Variants in CDS1 observed in about 807,000 individuals in gnomAD.
CDS1 encodes CDP-diacylglycerol synthase 1.
Under a neutral mutation model 62.1 loss-of-function variants are expected in CDS1, and 41 were observed. The observed-to-expected ratio is 0.66, with a 90% CI of 0.51 to 0.86. The LOEUF is 0.86. Among genes scored for constraint, CDS1 ranks in the 40% least tolerant of loss-of-function variants. The probability of loss-of-function intolerance (pLI) is 0.00; values close to 1 mark genes in which losing one functional copy is unlikely to be tolerated. For synonymous variants in CDS1, 185 were observed against 192.6 expected (o/e 0.96, Z 0.32); for missense variants, 470 against 550.1 (o/e 0.85, Z 1.46).
chr4:84,605,876 T>C (rs1442424534), intron 2 of CDS1, among the ~76,000 whole-genome samples: 1 of 152,184 alleles, frequency 6.6e-6, no homozygotes, highest in African/African-American at 2.4e-5. Context: ...GGTATATAAA[T>C]GTGGAAACGT....
intron 1 of CDS1, among the ~76,000 whole-genome samples, chr4:84,597,262 TA>T (rs1560465386): frequency 6.6e-6 from 1 of 151,950 alleles, no homozygotes; most frequent in African/African-American, 2.4e-5. Context: ...TAAAAAAAAA[TA>T]AGGAGGCTTT....
At chr4:84,631,607 G>T (rs1413648958) in intron 5 of CDS1, among the ~76,000 whole-genome samples, 1 of 152,136 alleles carries the variant, frequency 6.6e-6, no homozygotes, top group Non-Finnish European at 1.5e-5. Context: ...TTGTGCCATG[G>T]AATGTATTAG....
intron 4 of CDS1, among the ~76,000 whole-genome samples, chr4:84,618,600 A>G (rs1033645023): frequency 1.3e-5 from 2 of 152,202 alleles, no homozygotes; most frequent in Non-Finnish European, 2.9e-5. Flanking sequence ...TAGATGTGGG[A>G]CAGATGTACT....
In CDS1 at chr4:84,648,665, A is replaced by G. The variant is rs758652360; in HGVS notation, c.1365A>G (p.Leu455=). The G allele has an allele frequency of 1.2e-6, 2 of 1,613,538 alleles. No individual in the cohort carries two copies. Among genetic ancestry groups the G allele is most frequent in the South Asian group, 1.1e-5 (1 of 90,966 alleles). Residue 455 remains leucine, a synonymous_variant, in exon 13 of 13, where the codon CTA becomes CTG. Transcript: ENST00000295887. ...LKTHLIEKGI[L]QPTLKV ...CTCATCTCATTGAGAAAGGAATCCT[A>G]CAACCCACCTTGAAGGTATAACTGG... is the stretch of plus-strand genomic sequence containing the variant.
At chr4:84,587,636 G>A (rs550011166) in intron 1 of CDS1, among the ~76,000 whole-genome samples, 1 of 152,318 alleles carries the variant, frequency 6.6e-6, no homozygotes, top group South Asian at 2.1e-4. Context: ...CATGACTTAT[G>A]TAGAGACCAA....
chr4:84,588,456 A>G (rs1263856693), intron 1 of CDS1, among the ~76,000 whole-genome samples: 3 of 152,196 alleles, frequency 2.0e-5, no homozygotes, highest in Non-Finnish European at 4.4e-5. Context: ...GAGAATTGCA[A>G]TAGAGAAAAA....
chr4:84,608,155 A>C (rs2110050621), intron 2 of CDS1, among the ~76,000 whole-genome samples: 1 of 152,320 alleles, frequency 6.6e-6, no homozygotes, highest in Admixed American at 6.5e-5. Flanking sequence ...TGAGGAGCAA[A>C]GAAAGGCCCA....
Position 84,605,807 on chromosome 4 carries a change from T to C in CDS1, c.245+1437T>C, listed in dbSNP as rs982932674. On this transcript the variant is annotated intron_variant, in intron 2 of 12. Coordinates refer to ENST00000295887, the MANE Select transcript of CDS1 (RefSeq NM_001263.4). The stretch of plus-strand genomic sequence containing the variant: ...TTATTTAGCATTTACTATGTACTAG[T>C]ATTGTTTCAGGCACTTTATATGTAT... Among the ~76,000 whole-genome samples the C allele has an allele frequency of 5.9e-5, 9 of 152,302 alleles. No individual in the cohort carries two copies. The South Asian group carries it at 6.2e-4, about 11-fold the overall frequency.
At chr4:84,590,290 T>C (rs1722553869) in intron 1 of CDS1, among the ~76,000 whole-genome samples, 2 of 152,242 alleles carry the variant, frequency 1.3e-5, no homozygotes, top group Admixed American at 1.3e-4. Flanking sequence ...TTAGAAATTC[T>C]TGTAAACATC....
chr4:84,600,862 G>A (rs1274763317), intron 1 of CDS1, among the ~76,000 whole-genome samples: 1 of 152,134 alleles, frequency 6.6e-6, no homozygotes, highest in African/African-American at 2.4e-5. Flanking sequence ...GCTTGCAGCA[G>A]TGAATGAGAA....
At chr4:84,619,661 T>C (rs6853486) in intron 5 of CDS1, 128 bp downstream of exon 5, 236,396 of 551,362 alleles carry the variant, frequency 0.43, 56,278 homozygotes, top group African/African-American at 0.83. Flanking sequence ...CATTGTTTCT[T>C]GTGTATAAAG....
chr4:84,635,273 T>A lies in CDS1; in HGVS notation c.732T>A (p.Val244=). The A allele has an allele frequency of 6.5e-7, 1 of 1,535,462 alleles. No homozygotes were observed. Among genetic ancestry groups the A allele is most frequent in the Non-Finnish European group, 8.8e-7 (1 of 1,133,610 alleles). Residue 244 remains valine, a synonymous_variant, in exon 8 of 13, where the codon GTT becomes GTA. Coordinates refer to ENST00000295887, the MANE Select transcript of CDS1 (RefSeq NM_001263.4). ...TTTTTTTTAAAAACAGGTTCCTTGT[T>A]CCAATATCAAGTGTTATCTGCAATG... ...NLFEGMIWFL[V]PISSVICNDI... is the part of the protein sequence containing the mutation.
intron 1 of CDS1, among the ~76,000 whole-genome samples, chr4:84,592,773 A>G (rs1193590755): frequency 6.6e-6 from 1 of 152,148 alleles, no homozygotes; most frequent in Non-Finnish European, 1.5e-5. Flanking sequence ...CTTCCTGGCT[A>G]TGGTTGTAGT....
intron 1 of CDS1, among the ~76,000 whole-genome samples, chr4:84,586,508 T>C (rs1722427062): frequency 6.6e-6 from 1 of 152,092 alleles, no homozygotes; most frequent in East Asian, 1.9e-4. Flanking sequence ...CCTGTGAGGA[T>C]CTAATGCTGC....
chr4:84,606,412 A>G (rs945942902), intron 2 of CDS1, among the ~76,000 whole-genome samples: 2 of 151,930 alleles, frequency 1.3e-5, no homozygotes, highest in African/African-American at 2.4e-5. Flanking sequence ...TTTTCATTCC[A>G]TGGTATTATT....
At chr4:84,605,407 T>C (rs990529221) in intron 2 of CDS1, among the ~76,000 whole-genome samples, 2 of 152,158 alleles carry the variant, frequency 1.3e-5, no homozygotes, top group Non-Finnish European at 1.5e-5. Flanking sequence ...AAACCACTAG[T>C]TTAGTCGTAT....
At position 84,583,465 on chromosome 4, in the gene CDS1, C is replaced by A; in HGVS notation, c.64C>A (p.Arg22Ser). Residue 22 changes from arginine to serine, a missense_variant, in exon 1 of 13, where the codon CGC becomes AGC. By Grantham distance (110) the Arg-to-Ser change is moderately radical. Around this residue, in one of 5 missense-constraint regions of CDS1, gnomAD observed 150 missense variants for 142.0 expected, o/e 1.06. Transcript: ENST00000295887. ...GPREAVSPPH[R>S]EGEAAGGDHE... ...CAGGGAAGCGGTGTCGCCGCCACAC[C>A]GCGAGGGAGAGGCGGCCGGCGGCGA... The A allele has an allele frequency of 6.3e-7, 1 of 1,580,112 alleles. No homozygotes were observed.
Position 84,645,345 on chromosome 4 carries a change from AT to A in CDS1, c.1256+26del, listed in dbSNP as rs1477102523. Reference sequence around the variant, plus strand: ...TATAAGGTACTTTTACACTTGAGACATTTTTTAGATGATTTCTTTGAGTTCT... The same window carrying A: ...TATAAGGTACTTTTACACTTGAGACATTTTTAGATGATTTCTTTGAGTTCT... On this transcript the variant is annotated intron_variant, in intron 12 of 12. Coordinates refer to ENST00000295887, the MANE Select transcript of CDS1 (RefSeq NM_001263.4). The A allele has an allele frequency of 2.9e-6, 4 of 1,374,758 alleles. No homozygotes were observed. Among genetic ancestry groups the A allele is most frequent in the African/African-American group, 2.9e-5 (2 of 69,784 alleles). 85.2% of individuals were successfully genotyped at this position (1,374,758 alleles called of 1,614,324 possible). A position where few individuals can be genotyped will look rare whatever the true frequency, so the allele number is the denominator to read the frequency against.
intron 1 of CDS1, among the ~76,000 whole-genome samples, chr4:84,593,479 A>G (rs2110036538): frequency 6.6e-6 from 1 of 151,552 alleles, no homozygotes; most frequent in East Asian, 2.0e-4. Flanking sequence ...ATACACTCTG[A>G]TCAGCAGCAG....
Sources: allele counts gnomAD v4.1 joint callset (sites outside exome capture counted in the v4.1 genomes callset), GRCh38; gene constraint gnomAD v4.1.1; regional missense constraint gnomAD v4.1.1; transcripts MANE v1.5; gene names NCBI Gene and HGNC (gene_info 2026-07-23, HGNC 2026-07-21).